B4GALT6: variants seen among roughly 807,000 people sequenced by gnomAD.
The protein encoded by B4GALT6 is UDP-Gal:beta-GlcNAc beta-1,4-galactosyltransferase 6.
In B4GALT6, 14 loss-of-function variants were observed where a neutral mutation model predicts 46.3. That is an observed-to-expected ratio of 0.30 (90% CI 0.20 to 0.47). The LOEUF is 0.47. Ranked by LOEUF, B4GALT6 falls within the 20% of genes least tolerant of loss-of-function variation. B4GALT6 has a pLI of 0.99. For missense variants in B4GALT6, 386 were observed against 480.1 expected (o/e 0.80, Z 1.83); for synonymous variants, 168 against 162.0 (o/e 1.04, Z -0.28).
intron 6 of B4GALT6, among the ~76,000 whole-genome samples, chr18:31,630,494 T>C (rs1325215397): frequency 1.3e-5 from 2 of 152,058 alleles, no homozygotes; most frequent in Admixed American, 1.3e-4. Flanking sequence ...AGAGAGGGCT[T>C]TGTGGCCCTC....
In B4GALT6 at chr18:31,623,528, A is replaced by G. The variant is rs895143844; in HGVS notation, c.*2086T>C. ...AGATACCGAATGTGGACAGCTCCAC[A>G]TTGATCAACAAATGTTAACATTCTC... On this transcript the variant is annotated 3_prime_UTR_variant, in exon 9 of 9. Transcript: ENST00000306851. 6.6e-6 allele frequency: 1 copy of G among 152,490 alleles called. No homozygotes were observed. Among genetic ancestry groups the G allele is most frequent in the African/African-American group, 2.4e-5 (1 of 41,454 alleles). The allele number at this position is 152,490 out of a possible 1,614,324, so 9.4% of individuals were successfully genotyped here.
the B4GALT6 span, among the ~76,000 whole-genome samples, chr18:31,701,110 C>T: frequency 3.9e-5 from 6 of 152,290 alleles, no homozygotes; most frequent in South Asian, 1.2e-3. Context: ...CTGCCCACAT[C>T]TCATGTTGAA....
upstream of B4GALT6, among the ~76,000 whole-genome samples, chr18:31,690,266 G>A (rs559006494): frequency 1.3e-4 from 19 of 151,990 alleles, no homozygotes; most frequent in South Asian, 3.8e-3. Flanking sequence ...CGAGTAGCTG[G>A]GATTACAGGT....
At chr18:31,694,926 G>T in the B4GALT6 span, among the ~76,000 whole-genome samples, 1 of 152,142 alleles carries the variant, frequency 6.6e-6, no homozygotes, top group Non-Finnish European at 1.5e-5. Flanking sequence ...AATATGAATT[G>T]CATAGTGATT....
upstream of B4GALT6, among the ~76,000 whole-genome samples, chr18:31,688,263 A>ATATATATATATATACG (rs1381943536): frequency 2.4e-4 from 35 of 144,554 alleles, 1 homozygote; most frequent in Admixed American, 2.2e-3. Context: ...ATATATACAT[A>ATATATATATATATACG]TATATATATA....
chr18:31,632,214 T>C (rs1422200466), intron 5 of B4GALT6, among the ~76,000 whole-genome samples: 1 of 152,162 alleles, frequency 6.6e-6, no homozygotes, highest in Non-Finnish European at 1.5e-5. Flanking sequence ...AAATTACTAA[T>C]TTTTAGTCCT....
At chr18:31,723,618 T>C in the B4GALT6 span, among the ~76,000 whole-genome samples, 2 of 152,058 alleles carry the variant, frequency 1.3e-5, no homozygotes, top group Non-Finnish European at 2.9e-5. Context: ...AAACCCCTCC[T>C]ACAGAAAATT....
chr18:31,709,056 T>G, the B4GALT6 span, among the ~76,000 whole-genome samples: 1 of 152,170 alleles, frequency 6.6e-6, no homozygotes, highest in Non-Finnish European at 1.5e-5. Context: ...TGTGTGACCT[T>G]TGATATGTCA....
At chr18:31,704,275 C>T in the B4GALT6 span, among the ~76,000 whole-genome samples, 1 of 149,480 alleles carries the variant, frequency 6.7e-6, no homozygotes, top group Non-Finnish European at 1.5e-5. Flanking sequence ...CTGGTGTGAT[C>T]TCAGCTTACT....
upstream of B4GALT6, among the ~76,000 whole-genome samples, chr18:31,685,154 G>T (rs2074531349): frequency 6.8e-6 from 1 of 148,080 alleles, no homozygotes; most frequent in Non-Finnish European, 1.5e-5. Flanking sequence ...CGGCGTCCCG[G>T]CCAGCGACGA....
chr18:31,649,234 A>C (rs1009513277), intron 3 of B4GALT6, among the ~76,000 whole-genome samples: 1 of 152,176 alleles, frequency 6.6e-6, no homozygotes, highest in African/African-American at 2.4e-5. Flanking sequence ...CGACTTATAA[A>C]ATTTGACAAC....
At chr18:31,651,641 G>T (rs2074069129) in intron 3 of B4GALT6, among the ~76,000 whole-genome samples, 1 of 151,972 alleles carries the variant, frequency 6.6e-6, no homozygotes, top group South Asian at 2.1e-4. Flanking sequence ...GCTTCCTCAG[G>T]GGAGGAGGCA....
intron 6 of B4GALT6, among the ~76,000 whole-genome samples, chr18:31,628,491 C>A (rs1227957953): frequency 6.6e-6 from 1 of 152,060 alleles, no homozygotes; most frequent in Non-Finnish European, 1.5e-5. Context: ...ATCAATTGTG[C>A]TATATGAATA....
At chr18:31,663,749 G>T (rs1047454198) in intron 2 of B4GALT6, among the ~76,000 whole-genome samples, 1 of 152,108 alleles carries the variant, frequency 6.6e-6, no homozygotes, top group Non-Finnish European at 1.5e-5. Context: ...ATAACCAGTT[G>T]CATTATAAAT....
At chr18:31,633,657 C>T (rs1250590848) in intron 5 of B4GALT6, among the ~76,000 whole-genome samples, 2 of 152,188 alleles carry the variant, frequency 1.3e-5, no homozygotes, top group Non-Finnish European at 2.9e-5. Context: ...GCCGGCTGCT[C>T]TGGCAACATC....
the B4GALT6 span, among the ~76,000 whole-genome samples, chr18:31,713,958 T>A: frequency 6.6e-6 from 1 of 152,220 alleles, no homozygotes; most frequent in Non-Finnish European, 1.5e-5. Context: ...AATTATTAAA[T>A]GTCAGCATCT....
intron 8 of B4GALT6, 52 bp downstream of exon 8, chr18:31,626,231 T>G (rs117100417): frequency 4.6e-4 from 499 of 1,090,256 alleles, no homozygotes; most frequent in Non-Finnish European, 6.5e-4. Context: ...TTACCTTTCA[T>G]TTATTCAACA....
intron 4 of B4GALT6, among the ~76,000 whole-genome samples, chr18:31,641,514 C>T (rs990832591): frequency 3.2e-4 from 48 of 152,170 alleles, no homozygotes; most frequent in African/African-American, 1.2e-3. Flanking sequence ...GAATGTCCTC[C>T]ATAGTTTACA....
At chr18:31,680,675 T>C (rs1440791395) in intron 1 of B4GALT6, among the ~76,000 whole-genome samples, 1 of 152,236 alleles carries the variant, frequency 6.6e-6, no homozygotes, top group Non-Finnish European at 1.5e-5. Context: ...TCCCATTATA[T>C]AGCCCCACTG....
Sources: gnomAD v4.1 joint callset for allele counts (sites outside exome capture counted in the v4.1 genomes callset) on GRCh38, gnomAD v4.1.1 for gene constraint, MANE v1.5 for transcripts, NCBI Gene and HGNC (gene_info 2026-07-23, HGNC 2026-07-21) for gene names.